The following USH1C variants were observed in gnomAD, a reference collection of about 807,000 sequenced individuals.
USH1C encodes the protein USH1 protein network component harmonin.
A neutral mutation model predicts 119.3 loss-of-function variants in USH1C; 90 were observed. The ratio of observed to expected loss-of-function variants is 0.75; its 90% CI spans 0.64 to 0.90. The LOEUF (loss-of-function observed/expected upper bound fraction) is 0.90. USH1C is among the 40% of genes least tolerant of loss of function. USH1C has a pLI of 0.00. For missense variants in USH1C, 1,165 were observed against 1,167.7 expected, an observed-to-expected ratio of 1.00 and a Z score of 0.03; for synonymous variants, 465 against 443.3, an observed-to-expected ratio of 1.05 and a Z score of -0.62.
At chr11:17,530,198 G>A (rs969395748) in intron 4 of USH1C, among the ~76,000 whole-genome samples, 2 of 152,174 alleles carry the variant, frequency 1.3e-5, no homozygotes, top group African/African-American at 2.4e-5. Context: ...TAACAAACCC[G>A]CTGGAAGCTC....
chr11:17,509,691 C>G lies in USH1C; in HGVS notation c.1678G>C (p.Ala560Pro), dbSNP rs367952604. 31 of 1,598,264 alleles carry G rather than the reference C, an allele frequency of 1.9e-5. No individual in the cohort carries two copies. The African/African-American group carries it at 3.5e-4, about 18-fold the overall frequency. Residue 560 changes from alanine to proline, a missense_variant, in exon 18 of 27, where the codon GCC (alanine) becomes CCC (proline). Coordinates refer to ENST00000005226, the MANE Select transcript of USH1C (RefSeq NM_153676.4). ...GGAGGGTGGGGCATCACAGGCAAGG[C>G]AGAGGGAGTCTTGGGGGGATAGTAG... The part of the protein sequence containing the change: ...MFYYPPKTPS[A>P]LPVMPHPPPS...
chr11:17,497,286 C>T (rs1271679897), intron 24 of USH1C, among the ~76,000 whole-genome samples: 1 of 152,190 alleles, frequency 6.6e-6, no homozygotes, highest in Non-Finnish European at 1.5e-5. Context: ...CCATCCTTGA[C>T]TTGCCCCTCA....
intron 14 of USH1C, among the ~76,000 whole-genome samples, chr11:17,520,375 A>C (rs1336435098): frequency 2.0e-5 from 3 of 152,112 alleles, no homozygotes; most frequent in African/African-American, 7.2e-5. Flanking sequence ...CTTGGTCCAC[A>C]TACAGGGATA....
intron 23 of USH1C, among the ~76,000 whole-genome samples, chr11:17,499,015 G>A (rs1849343292): frequency 6.6e-6 from 1 of 152,180 alleles, no homozygotes; most frequent in African/African-American, 2.4e-5. Flanking sequence ...GAGTTGCCTG[G>A]GATCTAATAA....
chr11:17,497,999 G>T (rs1453359714), intron 24 of USH1C, among the ~76,000 whole-genome samples, 163 bp downstream of exon 24: 1 of 152,226 alleles, frequency 6.6e-6, no homozygotes, highest in Non-Finnish European at 1.5e-5. Context: ...CATCTTGTCA[G>T]ATTTAAACCA....
chr11:17,521,262 T>C, intron 13 of USH1C, 84 bp downstream of exon 13: 17 of 1,450,558 alleles, frequency 1.2e-5, no homozygotes, highest in Non-Finnish European at 1.5e-5. Context: ...GGTAAACTGG[T>C]TCTGGAGGCA....
Position 17,526,404 on chromosome 11 carries a change from T to C in USH1C, c.617A>G (p.Glu206Gly), listed in dbSNP as rs1850675264. 8 of 1,613,996 alleles carry C rather than the reference T, an allele frequency of 5.0e-6. No individual in the cohort carries two copies. Among genetic ancestry groups the C allele is most frequent in the Admixed American group, 3.3e-5 (2 of 60,006 alleles). Reference protein sequence around the residue: ...RGSLGSPGNRENKEKKVFISL... With the variant: ...RGSLGSPGNRGNKEKKVFISL... Reference sequence around the variant, plus strand: ...GATGAAGACCTTCTTCTCCTTGTTTTCCCGATTTCCAGGGGAGCCCAGGCT... The same window carrying C: ...GATGAAGACCTTCTTCTCCTTGTTTCCCCGATTTCCAGGGGAGCCCAGGCT... The change falls in exon 8 of 27, where the codon GAA becomes GGA. Residue 206 changes from glutamate to glycine, a missense_variant. Glu to Gly is a moderately conservative substitution (Grantham distance 98, BLOSUM62 -2). Coordinates refer to ENST00000005226, the MANE Select transcript of USH1C (RefSeq NM_153676.4).
chr11:17,512,077 A>G, intron 15 of USH1C, 23 bp from the exon 16 acceptor site: 2 of 1,613,700 alleles, frequency 1.2e-6, no homozygotes, highest in Non-Finnish European at 1.7e-6. Context: ...GGCATTGTTT[A>G]TATGACAAAG....
At chr11:17,527,657 C>G (rs1169179902) in intron 4 of USH1C, among the ~76,000 whole-genome samples, 1 of 152,220 alleles carries the variant, frequency 6.6e-6, no homozygotes, top group East Asian at 1.9e-4. Flanking sequence ...TTTCACTCCA[C>G]TGGGGCACCA....
intron 15 of USH1C, chr11:17,514,555 C>G (rs948304358): frequency 2.0e-5 from 3 of 152,166 alleles, no homozygotes; most frequent in Non-Finnish European, 4.4e-5. Flanking sequence ...ATATCATGGC[C>G]ATGGATACCC....
intron 14 of USH1C, among the ~76,000 whole-genome samples, chr11:17,519,175 G>A (rs1164074335): frequency 2.6e-5 from 4 of 152,210 alleles, no homozygotes. Context: ...GACCATGCTA[G>A]ACCCCGGGGA....
chr11:17,530,420 T>C (rs1413340612), intron 4 of USH1C, among the ~76,000 whole-genome samples: 3 of 152,242 alleles, frequency 2.0e-5, no homozygotes, highest in Non-Finnish European at 4.4e-5. Flanking sequence ...TGCCACTTAC[T>C]GGCCTCTGAG....
intron 20 of USH1C, among the ~76,000 whole-genome samples, chr11:17,502,227 G>C (rs1218677958): frequency 6.6e-6 from 1 of 152,124 alleles, no homozygotes. Context: ...TGCTTCAGCG[G>C]CACAAGCGTC....
intron 1 of USH1C, among the ~76,000 whole-genome samples, chr11:17,538,565 T>C (rs1851321837): frequency 6.6e-6 from 1 of 152,188 alleles, no homozygotes; most frequent in African/African-American, 2.4e-5. Context: ...TTGCGGGGAT[T>C]AAATGAGTGA....
In USH1C at chr11:17,531,094, G is replaced by A. The variant is rs1850945470; in HGVS notation, c.387+60C>T. ...GTGCCACACAGCCTAGTGGATGAAT[G>A]AGGGGGAGGCAGGAGGTCCGAGGCC... On this transcript the variant is annotated intron_variant, in intron 4 of 26. Transcript: ENST00000005226. The surrounding 1 kb of genome is among the most constrained non-coding windows in gnomAD (Gnocchi z 4.2). The A allele has an allele frequency of 1.2e-6, 2 of 1,611,612 alleles. No homozygotes were observed. The highest frequency in any genetic ancestry group is 2.2e-5 in the South Asian group (2 of 90,862).
intron 7 of USH1C, 99 bp downstream of exon 7, chr11:17,526,654 T>C: frequency 7.2e-7 from 1 of 1,381,566 alleles, no homozygotes; most frequent in Non-Finnish European, 1.0e-6. Flanking sequence ...GTGAAGCCCC[T>C]GAGGGTGCAT....
In USH1C at chr11:17,504,635, G is replaced by C. The variant is rs138547759; in HGVS notation, c.2184+12C>G. On this transcript the variant is annotated intron_variant, in intron 20 of 26. Coordinates refer to ENST00000005226, the MANE Select transcript of USH1C (RefSeq NM_153676.4). ...GGGGAGACCTCCAGACACACAATGG[G>C]TATCAGTTTACTTGTCTGAATGCTG... is the stretch of plus-strand genomic sequence containing the variant. 2 of 1,613,796 alleles carry C rather than the reference G, an allele frequency of 1.2e-6. No homozygotes were observed. Among genetic ancestry groups the C allele is most frequent in the African/African-American group, 2.7e-5 (2 of 74,860 alleles).
chr11:17,544,389 C>A lies in USH1C; in HGVS notation c.-82G>T, dbSNP rs1851612254. On this transcript the variant is annotated 5_prime_UTR_variant, in exon 1 of 27. Coordinates refer to ENST00000005226, the MANE Select transcript of USH1C (RefSeq NM_153676.4). ...GCCAGGAGCTGGAAAGAGCCGCGAC[C>A]GCGACCGGGCCAGCCGCCCTCGGAG... 1.9e-6 allele frequency: 3 copies of A among 1,598,570 alleles called. No homozygotes were observed. The highest frequency in any genetic ancestry group is 1.7e-5 in the Admixed American group (1 of 59,342).
At chr11:17,541,453 C>T (rs1851461877) in intron 1 of USH1C, among the ~76,000 whole-genome samples, 1 of 152,214 alleles carries the variant, frequency 6.6e-6, no homozygotes, top group Non-Finnish European at 1.5e-5. Context: ...TTCATCCCAA[C>T]CGGTTGTCAG....
Sources: allele counts gnomAD v4.1 joint callset (sites outside exome capture counted in the v4.1 genomes callset), GRCh38; gene constraint gnomAD v4.1.1; non-coding constraint Gnocchi (gnomAD v3.1); transcripts MANE v1.5; gene names NCBI Gene and HGNC (gene_info 2026-07-23, HGNC 2026-07-21).